Variants in KCNIP4 observed in about 807,000 individuals in gnomAD.
KCNIP4 encodes the protein potassium voltage-gated channel interacting protein 4.
Under a neutral mutation model 34.0 loss-of-function variants are expected in KCNIP4, and 12 were observed. The observed-to-expected ratio is 0.35, with a 90% CI of 0.23 to 0.57. The LOEUF is 0.57. Among genes scored for constraint, KCNIP4 ranks in the 20% least tolerant of loss-of-function variants. KCNIP4 has a pLI of 0.83. For missense variants in KCNIP4, 238 were observed against 311.7 expected, an observed-to-expected ratio of 0.76 and a Z score of 1.78; for synonymous variants, 124 against 102.2, an observed-to-expected ratio of 1.21 and a Z score of -1.29.
intron 1 of KCNIP4, among the ~76,000 whole-genome samples, chr4:21,362,639 G>A (rs749325326): frequency 2.6e-5 from 4 of 152,006 alleles, no homozygotes; most frequent in Admixed American, 6.6e-5. Context: ...AGTAAAACAC[G>A]TTCAGTCTTT....
intron 2 of KCNIP4, among the ~76,000 whole-genome samples, chr4:20,871,347 G>T (rs949426089): frequency 2.0e-5 from 3 of 151,986 alleles, no homozygotes; most frequent in African/African-American, 7.3e-5. Flanking sequence ...GAATATCAGA[G>T]TCATCACTAT....
intron 1 of KCNIP4, chr4:21,697,255 A>G: frequency 7.5e-7 from 1 of 1,336,204 alleles, no homozygotes; most frequent in East Asian, 3.0e-5. Context: ...AATAATCACA[A>G]CAAAGAAATA....
Position 21,818,624 on chromosome 4 carries a change from A to G in KCNIP4, c.61+129947T>C, listed in dbSNP as rs906001369. On this transcript the variant is annotated intron_variant, in intron 1 of 8. Transcript: ENST00000382152. ...TAGCTACATGTGAGCACTGGCTACT[A>G]TATTGGATAGCACAGATATAGAACA... Among the ~76,000 whole-genome samples the G allele has an allele frequency of 3.3e-5, 5 of 152,234 alleles. No homozygotes were observed. The South Asian group carries it at 1.0e-3, about 31-fold the overall frequency.
At chr4:21,176,873 C>A (rs1470643258) in intron 1 of KCNIP4, among the ~76,000 whole-genome samples, 1 of 152,202 alleles carries the variant, frequency 6.6e-6, no homozygotes, top group Admixed American at 6.5e-5. Context: ...ATCCAGCACA[C>A]CTGTCTTTTC....
chr4:21,749,049 GAATA>G (rs1001776183), intron 1 of KCNIP4, among the ~76,000 whole-genome samples: 1 of 152,088 alleles, frequency 6.6e-6, no homozygotes, highest in South Asian at 2.1e-4. Flanking sequence ...GTACCATTCA[GAATA>G]TTAAATGTAT....
intron 1 of KCNIP4, among the ~76,000 whole-genome samples, chr4:21,526,047 T>A (rs548937716): frequency 6.6e-6 from 1 of 152,292 alleles, no homozygotes; most frequent in East Asian, 1.9e-4. Flanking sequence ...GGCATATGAA[T>A]GGATGCCATC....
intron 1 of KCNIP4, among the ~76,000 whole-genome samples, chr4:21,287,593 G>A (rs76735703): frequency 1.6e-4 from 25 of 152,092 alleles, no homozygotes; most frequent in African/African-American, 3.1e-4. Flanking sequence ...GTTAATTTAC[G>A]TCTCAAAAGT....
At chr4:21,065,366 C>G (rs1744261023) in intron 1 of KCNIP4, among the ~76,000 whole-genome samples, 1 of 152,008 alleles carries the variant, frequency 6.6e-6, no homozygotes, top group South Asian at 2.1e-4. Flanking sequence ...GGCAGATGAC[C>G]GTATTAAGAT....
intron 3 of KCNIP4, among the ~76,000 whole-genome samples, chr4:20,820,415 A>G (rs1716959262): frequency 6.6e-6 from 1 of 152,246 alleles, no homozygotes; most frequent in Non-Finnish European, 1.5e-5. Context: ...GGTATGGAAC[A>G]GCTTCTCTTG....
intron 1 of KCNIP4, among the ~76,000 whole-genome samples, chr4:21,511,145 A>G (rs1734282822): frequency 6.6e-6 from 1 of 152,136 alleles, no homozygotes; most frequent in Non-Finnish European, 1.5e-5. Flanking sequence ...TAAATCTCCC[A>G]AACTAACTTG....
chr4:21,261,636 A>C (rs1761476002), intron 1 of KCNIP4, among the ~76,000 whole-genome samples: 1 of 152,150 alleles, frequency 6.6e-6, no homozygotes, highest in African/African-American at 2.4e-5. Flanking sequence ...CCATTCTCCC[A>C]GTCACTATAC....
intron 1 of KCNIP4, among the ~76,000 whole-genome samples, chr4:21,901,778 G>A (rs1309317847): frequency 6.6e-6 from 1 of 151,752 alleles, no homozygotes; most frequent in African/African-American, 2.4e-5. Flanking sequence ...TTCATACAAG[G>A]GGTCATTTGA....
At chr4:21,909,653 T>G (rs1264413722) in intron 1 of KCNIP4, among the ~76,000 whole-genome samples, 1 of 152,168 alleles carries the variant, frequency 6.6e-6, no homozygotes, top group African/African-American at 2.4e-5. Context: ...GAACACATAC[T>G]GTATTAGTTT....
chr4:21,537,475 T>C (rs1481622013), intron 1 of KCNIP4, among the ~76,000 whole-genome samples: 1 of 152,134 alleles, frequency 6.6e-6, no homozygotes, highest in Non-Finnish European at 1.5e-5. Flanking sequence ...TCCACTTTTC[T>C]GTGTGTATAA....
chr4:21,436,868 G>C (rs1469089207), intron 1 of KCNIP4, among the ~76,000 whole-genome samples: 1 of 152,076 alleles, frequency 6.6e-6, no homozygotes, highest in East Asian at 1.9e-4. Context: ...ACTTATCTTT[G>C]GATACCCCTA....
chr4:21,176,299 T>C (rs985260651), intron 1 of KCNIP4, among the ~76,000 whole-genome samples: 28 of 152,288 alleles, frequency 1.8e-4, no homozygotes, highest in African/African-American at 6.7e-4. Flanking sequence ...TGTCTCACAG[T>C]TGGATCTTGG....
chr4:21,738,292 T>C (rs971305771), intron 1 of KCNIP4, among the ~76,000 whole-genome samples: 2 of 152,084 alleles, frequency 1.3e-5, no homozygotes, highest in African/African-American at 4.8e-5. Flanking sequence ...AAATAAAACA[T>C]GTGAGACAAG....
intron 1 of KCNIP4, among the ~76,000 whole-genome samples, chr4:21,553,045 G>C (rs1374752907): frequency 6.6e-6 from 1 of 151,790 alleles, no homozygotes; most frequent in African/African-American, 2.4e-5. Context: ...GTTGAGGGGG[G>C]AGTCTCTCTT....
intron 1 of KCNIP4, among the ~76,000 whole-genome samples, chr4:21,122,376 G>T (rs1360559458): frequency 6.7e-6 from 1 of 148,662 alleles, no homozygotes; most frequent in African/African-American, 2.5e-5. Context: ...AGTTATTCAG[G>T]GTTAAATTGT....
Sources: allele counts gnomAD v4.1 joint callset (sites outside exome capture counted in the v4.1 genomes callset), GRCh38; gene constraint gnomAD v4.1.1; transcripts MANE v1.5; gene names NCBI Gene and HGNC (gene_info 2026-07-23, HGNC 2026-07-21).